SDK1: variants seen among roughly 807,000 people sequenced by gnomAD.
SDK1 encodes the protein sidekick cell adhesion molecule 1.
In SDK1, 157 loss-of-function variants were observed where a neutral mutation model predicts 245.5. That is an observed-to-expected ratio of 0.64 (90% CI 0.56 to 0.73). The LOEUF (loss-of-function observed/expected upper bound fraction) is 0.73, where lower values mean the gene tolerates loss of function less well. SDK1 is among the 30% of genes least tolerant of loss of function. The probability of loss-of-function intolerance (pLI) is 0.00; values close to 1 mark genes in which losing one functional copy is unlikely to be tolerated. For missense variants in SDK1, 3,583 were observed against 3,002.3 expected (o/e 1.19, Z -4.52); for synonymous variants, 1,647 against 1,278.5 (o/e 1.29, Z -6.15).
chr7:3,876,888 A>G (rs1781090300), intron 5 of SDK1, among the ~76,000 whole-genome samples: 1 of 152,220 alleles, frequency 6.6e-6, no homozygotes, highest in South Asian at 2.1e-4. Flanking sequence ...ATTTTTGTGT[A>G]ATTGAATTAT....
chr7:3,695,958 C>T (rs1045441764), intron 4 of SDK1, among the ~76,000 whole-genome samples: 1 of 152,168 alleles, frequency 6.6e-6, no homozygotes, highest in African/African-American at 2.4e-5. Flanking sequence ...GTTGCTGACG[C>T]TCATTGGCTT....
chr7:3,758,105 T>C (rs1464068968), intron 4 of SDK1, among the ~76,000 whole-genome samples: 2 of 152,150 alleles, frequency 1.3e-5, no homozygotes, highest in Non-Finnish European at 2.9e-5. Context: ...GGCAGTTAAG[T>C]TCCACTCTGC....
intron 1 of SDK1, among the ~76,000 whole-genome samples, chr7:3,612,537 C>G (rs746307201): frequency 3.9e-5 from 6 of 152,178 alleles, no homozygotes; most frequent in Non-Finnish European, 7.3e-5. Flanking sequence ...ACCCACATTT[C>G]TCAGAATAGT....
intron 1 of SDK1, among the ~76,000 whole-genome samples, chr7:3,546,988 AG>A (rs1292693474): frequency 6.6e-6 from 1 of 152,156 alleles, no homozygotes; most frequent in African/African-American, 2.4e-5. Flanking sequence ...GAGGGAGGGG[AG>A]GAAAATCTGA....
At chr7:3,308,605 A>G (rs939031366) in intron 1 of SDK1, among the ~76,000 whole-genome samples, 4 of 152,152 alleles carry the variant, frequency 2.6e-5, no homozygotes, top group African/African-American at 7.2e-5. Flanking sequence ...GAACATGGGT[A>G]AGACTATAGT....
intron 44 of SDK1, among the ~76,000 whole-genome samples, chr7:4,258,885 C>T (rs1787791388): frequency 6.6e-6 from 1 of 152,170 alleles, no homozygotes; most frequent in Non-Finnish European, 1.5e-5. Context: ...TTCTGTCATT[C>T]GTTCCTAAAT....
chr7:3,698,374 G>A (rs1449590344), intron 4 of SDK1, among the ~76,000 whole-genome samples: 2 of 152,142 alleles, frequency 1.3e-5, no homozygotes, highest in Non-Finnish European at 2.9e-5. Flanking sequence ...GAGAGCACCT[G>A]AGGCGCCTGA....
intron 14 of SDK1, among the ~76,000 whole-genome samples, chr7:4,009,537 A>G (rs1001033051): frequency 1.3e-5 from 2 of 152,216 alleles, no homozygotes; most frequent in African/African-American, 4.8e-5. Flanking sequence ...ACACACAGAG[A>G]GGGGGATCCT....
Position 3,987,354 on chromosome 7 carries a change from C to T in SDK1, c.2131+32C>T, listed in dbSNP as rs183962901. On this transcript the variant is annotated intron_variant, in intron 14 of 44. Transcript: ENST00000404826. Reference sequence around the variant, plus strand: ...AGCAAAATGAAACTGTCACCATGGACGATAATCAGATTTTTGTGTGTGCTC... The same window carrying T: ...AGCAAAATGAAACTGTCACCATGGATGATAATCAGATTTTTGTGTGTGCTC... 63 of 1,608,916 alleles carry T rather than the reference C, an allele frequency of 3.9e-5. No individual in the cohort carries two copies. The East Asian group carries it at 4.5e-4, about 11-fold the overall frequency.
intron 2 of SDK1, among the ~76,000 whole-genome samples, chr7:3,629,865 C>G (rs116426117): frequency 0.034 from 5,249 of 152,176 alleles, 268 homozygotes; most frequent in African/African-American, 0.11. Context: ...AGAACTGACA[C>G]AGTTATTAGA....
At chr7:3,696,675 T>A (rs1784582916) in intron 4 of SDK1, among the ~76,000 whole-genome samples, 1 of 152,018 alleles carries the variant, frequency 6.6e-6, no homozygotes, top group South Asian at 2.1e-4. Context: ...AAATTTCTAA[T>A]CCTTTGGTGC....
intron 5 of SDK1, among the ~76,000 whole-genome samples, chr7:3,894,399 G>A (rs1047085990): frequency 6.6e-6 from 1 of 151,828 alleles, no homozygotes; most frequent in East Asian, 1.9e-4. Flanking sequence ...TGCCTGTACT[G>A]GAAGCTCCTG....
At chr7:3,348,944 G>T (rs1182085614) in intron 1 of SDK1, among the ~76,000 whole-genome samples, 2 of 152,178 alleles carry the variant, frequency 1.3e-5, no homozygotes, top group Non-Finnish European at 2.9e-5. Context: ...TTGATGCCAT[G>T]TAGCTTGTCA....
chr7:3,524,199 T>G (rs1401239423), intron 1 of SDK1, among the ~76,000 whole-genome samples: 2 of 152,004 alleles, frequency 1.3e-5, no homozygotes. Flanking sequence ...GTATGAGAGG[T>G]GAGGTCAGGG....
intron 1 of SDK1, among the ~76,000 whole-genome samples, chr7:3,354,388 C>T (rs971614632): frequency 1.3e-5 from 2 of 151,712 alleles, no homozygotes; most frequent in Admixed American, 6.6e-5. Context: ...TCATGCCTTA[C>T]ATTTATGTCT....
intron 42 of SDK1, among the ~76,000 whole-genome samples, chr7:4,238,874 AAGT>A (rs1786353687): frequency 6.6e-6 from 1 of 152,146 alleles, no homozygotes; most frequent in South Asian, 2.1e-4. Context: ...CAAAAAAAAA[AAGT>A]ATAGAGCATT....
intron 4 of SDK1, among the ~76,000 whole-genome samples, chr7:3,767,764 G>A (rs1335371078): frequency 1.3e-5 from 2 of 152,062 alleles, no homozygotes; most frequent in African/African-American, 4.8e-5. Context: ...TCTAATGATG[G>A]TATTTTGCCT....
At chr7:3,769,544 A>G (rs1328663697) in intron 4 of SDK1, among the ~76,000 whole-genome samples, 1 of 152,146 alleles carries the variant, frequency 6.6e-6, no homozygotes, top group Non-Finnish European at 1.5e-5. Context: ...TCTCAATACT[A>G]TCACATTGGG....
chr7:3,628,111 A>G (rs1782175922), intron 2 of SDK1, among the ~76,000 whole-genome samples: 1 of 152,034 alleles, frequency 6.6e-6, no homozygotes, highest in Non-Finnish European at 1.5e-5. Flanking sequence ...ATAGTGTGAC[A>G]TCTTCATTTT....
Sources: allele counts gnomAD v4.1 joint callset (sites outside exome capture counted in the v4.1 genomes callset), GRCh38; gene constraint gnomAD v4.1.1; transcripts MANE v1.5; gene names NCBI Gene and HGNC (gene_info 2026-07-23, HGNC 2026-07-21).